The following EPB41L4A variants were observed in gnomAD, a reference collection of about 807,000 sequenced individuals.
EPB41L4A encodes band 4.1-like protein 4A.
Under a neutral mutation model 108.6 loss-of-function variants are expected in EPB41L4A, and 100 were observed. That is an observed-to-expected ratio of 0.92 (90% CI 0.78 to 1.09). The LOEUF (loss-of-function observed/expected upper bound fraction) is 1.09, where lower values mean the gene tolerates loss of function less well. Ranked by LOEUF, EPB41L4A falls within the 50% of genes least tolerant of loss-of-function variation. EPB41L4A has a pLI of 0.00. For missense variants in EPB41L4A, 1,030 were observed against 842.7 expected, an observed-to-expected ratio of 1.22 and a Z score of -2.75; for synonymous variants, 319 against 289.0, an observed-to-expected ratio of 1.10 and a Z score of -1.05.
intron 18 of EPB41L4A, among the ~76,000 whole-genome samples, chr5:112,178,048 A>T (rs1309338690): frequency 6.6e-6 from 1 of 152,068 alleles, no homozygotes; most frequent in East Asian, 1.9e-4. Flanking sequence ...GAATTAAAAA[A>T]AAAAAACAAA....
chr5:112,205,201 G>A (rs183684627), intron 14 of EPB41L4A, among the ~76,000 whole-genome samples: 2 of 152,162 alleles, frequency 1.3e-5, no homozygotes, highest in African/African-American at 4.8e-5. Context: ...TTTCCCTTTT[G>A]CCTTTCCAGG....
At chr5:112,227,203 G>C (rs1748522980) in intron 12 of EPB41L4A, among the ~76,000 whole-genome samples, 1 of 152,116 alleles carries the variant, frequency 6.6e-6, no homozygotes, top group Non-Finnish European at 1.5e-5. Flanking sequence ...TTAAGTGAGA[G>C]TGTCCAATTT....
intron 11 of EPB41L4A, among the ~76,000 whole-genome samples, chr5:112,235,627 G>C (rs1049749614): frequency 2.6e-5 from 4 of 152,168 alleles, no homozygotes; most frequent in African/African-American, 9.7e-5. Context: ...ACACAGGTGA[G>C]TGTTTCCCCA....
At chr5:112,214,383 T>C (rs1276727067) in intron 12 of EPB41L4A, among the ~76,000 whole-genome samples, 2 of 152,228 alleles carry the variant, frequency 1.3e-5, no homozygotes, top group Non-Finnish European at 2.9e-5. Context: ...CATTTAAATA[T>C]CAGACATAAG....
chr5:112,336,463 C>T (rs939213828), intron 1 of EPB41L4A, among the ~76,000 whole-genome samples: 4 of 152,146 alleles, frequency 2.6e-5, no homozygotes, highest in African/African-American at 9.7e-5. Context: ...ATCCCGCCAA[C>T]CCCTTTAAAA....
intron 9 of EPB41L4A, among the ~76,000 whole-genome samples, chr5:112,242,234 G>C (rs1229543937): frequency 6.6e-6 from 1 of 152,168 alleles, no homozygotes; most frequent in Non-Finnish European, 1.5e-5. Flanking sequence ...TTCAAACTTG[G>C]AGTTAATCTT....
At chr5:112,417,646 G>T (rs712675) in intron 1 of EPB41L4A, among the ~76,000 whole-genome samples, 1 of 151,902 alleles carries the variant, frequency 6.6e-6, no homozygotes, top group Admixed American at 6.5e-5. Context: ...CACCCTCCCC[G>T]AAAAGAGTCT....
chr5:112,169,183 C>T (rs530073538), intron 20 of EPB41L4A, 78 bp from the exon 21 acceptor site: 7 of 992,738 alleles, frequency 7.1e-6, no homozygotes, highest in African/African-American at 1.6e-5. Context: ...AATATTGAAA[C>T]CGCAAAAGAA....
In EPB41L4A at chr5:112,163,722, G is replaced by A. The variant is rs192291420; in HGVS notation, c.*1268C>T. 2 of 152,312 alleles carry A rather than the reference G, an allele frequency of 1.3e-5. No individual in the cohort carries two copies. Among genetic ancestry groups the A allele is most frequent in the East Asian group, 3.9e-4 (2 of 5,172 alleles). The allele number at this position is 152,312 out of a possible 1,614,324, so 9.4% of individuals were successfully genotyped here. ...TTGCAAGAAAACTGGCTGAGAATGA[G>A]AGGAAAATCTTAGTTGCTTGGCGGG... On this transcript the variant is annotated 3_prime_UTR_variant, in exon 23 of 23. Transcript: ENST00000261486.
At chr5:112,330,718 A>G (rs1365928270) in intron 1 of EPB41L4A, among the ~76,000 whole-genome samples, 3 of 151,908 alleles carry the variant, frequency 2.0e-5, no homozygotes, top group Non-Finnish European at 4.4e-5. Context: ...TCCTGCCTCT[A>G]GTGTGCAGAG....
chr5:112,234,584 C>A, intron 12 of EPB41L4A, 50 bp downstream of exon 12: 4 of 1,591,366 alleles, frequency 2.5e-6, no homozygotes, highest in African/African-American at 1.3e-5. Context: ...ACACTACCAG[C>A]CTAAAGGAAA....
rs80304341 is a variant in EPB41L4A, at chr5:112,382,932, G to A, written c.99+36009C>T. ...TTACATGTAGCCCAGACTTGAATTG[G>A]AACTGTGTGGAAAAGGAAAAATGCT... On this transcript the variant is annotated intron_variant, in intron 1 of 22. Coordinates refer to ENST00000261486, the MANE Select transcript of EPB41L4A (RefSeq NM_022140.5). Among the ~76,000 whole-genome samples, 27 of 152,266 alleles carry A rather than the reference G, an allele frequency of 1.8e-4. No individual in the cohort carries two copies. In the East Asian group the frequency reaches 3.9e-3, roughly 22 times the overall value.
intron 17 of EPB41L4A, among the ~76,000 whole-genome samples, chr5:112,191,434 G>A (rs1441533722): frequency 1.3e-5 from 2 of 152,116 alleles, no homozygotes; most frequent in East Asian, 1.9e-4. Context: ...TTCCAGAGCT[G>A]GTGTGGATTA....
At chr5:112,212,897 T>G (rs1047953587) in intron 12 of EPB41L4A, among the ~76,000 whole-genome samples, 2 of 152,204 alleles carry the variant, frequency 1.3e-5, no homozygotes, top group Non-Finnish European at 2.9e-5. Context: ...TTTCTTAGTC[T>G]AACAATCAAT....
At chr5:112,403,381 A>G (rs544144192) in intron 1 of EPB41L4A, among the ~76,000 whole-genome samples, 36 of 152,044 alleles carry the variant, frequency 2.4e-4, no homozygotes, top group Non-Finnish European at 4.7e-4. Flanking sequence ...CAAAGGCTAA[A>G]TCATAATTAA....
At chr5:112,188,803 A>G (rs774883303) in intron 17 of EPB41L4A, among the ~76,000 whole-genome samples, 7 of 152,170 alleles carry the variant, frequency 4.6e-5, no homozygotes, top group Non-Finnish European at 7.3e-5. Context: ...AGAAATGCCC[A>G]TCAGTTTAAG....
rs1450390738 is a variant in EPB41L4A, at chr5:112,184,127, T to C, written c.1511A>G (p.Gln504Arg). The C allele has an allele frequency of 6.2e-7, 1 of 1,613,946 alleles. No homozygotes were observed. The highest frequency in any genetic ancestry group is 2.2e-5 in the East Asian group (1 of 44,868). The change falls in exon 18 of 23, where the codon CAG becomes CGG. Residue 504 changes from glutamine (Q) to arginine (R), a missense_variant. Gln to Arg is a conservative substitution (Grantham distance 43). Transcript: ENST00000261486. ...EYRKKRNRIRQENDMVDSAPQ... is the reference protein window; with the variant it reads ...EYRKKRNRIRRENDMVDSAPQ... ...CGCTGAATCAACCATATCATTCTCC[T>C]GCCGTATTCTGAAAGGAAAGCCATG... is the stretch of plus-strand genomic sequence containing the variant.
intron 3 of EPB41L4A, among the ~76,000 whole-genome samples, chr5:112,276,134 A>T (rs1752619109): frequency 6.6e-6 from 1 of 152,242 alleles, no homozygotes; most frequent in East Asian, 1.9e-4. Flanking sequence ...GAAAAAAGTC[A>T]TCAGTGAGGC....
At chr5:112,359,395 T>A (rs989170939) in intron 1 of EPB41L4A, among the ~76,000 whole-genome samples, 1 of 152,208 alleles carries the variant, frequency 6.6e-6, no homozygotes, top group Non-Finnish European at 1.5e-5. Context: ...ATCCAATATA[T>A]AGCTGATTTC....
Sources: allele counts gnomAD v4.1 joint callset (sites outside exome capture counted in the v4.1 genomes callset), GRCh38; gene constraint gnomAD v4.1.1; transcripts MANE v1.5; gene names NCBI Gene and HGNC (gene_info 2026-07-23, HGNC 2026-07-21).